The following MAGEC3 variants were observed in gnomAD, a reference collection of about 807,000 sequenced individuals.
MAGEC3 encodes melanoma-associated antigen C3.
Under a neutral mutation model 35.3 loss-of-function variants are expected in MAGEC3, and 34 were observed. The ratio of observed to expected loss-of-function variants is 0.96; its 90% confidence interval spans 0.73 to 1.28. The LOEUF is 1.28. Among genes scored for constraint, MAGEC3 ranks in the 50% most tolerant of loss-of-function variants. The pLI, the probability that MAGEC3 is intolerant of heterozygous loss-of-function variation, is 0.00. For missense variants in MAGEC3, 561 were observed against 483.6 expected, an observed-to-expected ratio of 1.16 and a Z score of -1.50; for synonymous variants, 202 against 185.6, an observed-to-expected ratio of 1.09 and a Z score of -0.72.
chrX:141,865,463 C>T lies in MAGEC3; in HGVS notation c.124-8C>T. 1 of 1,202,784 alleles carries T rather than the reference C, an allele frequency of 8.3e-7. No homozygotes were observed. The highest frequency in any genetic ancestry group is 1.1e-6 in the Non-Finnish European group (1 of 890,836). On this transcript the variant is annotated splice_region_variant and splice_polypyrimidine_tract_variant and intron_variant, in intron 1 of 7. Coordinates refer to ENST00000298296, the MANE Select transcript of MAGEC3 (RefSeq NM_138702.1). ...CCTAGTCCTGCCCCTGATATTTGAC[C>T]TGAGTAGCCCCGGAAAAAGGCCACA...
intron 3 of MAGEC3, chrX:141,880,593 C>A (rs1393608605): frequency 2.9e-6 from 1 of 348,091 alleles, no homozygotes; most frequent in Non-Finnish European, 4.4e-6. Context: ...CAGGCAATAT[C>A]AGGAGTCAAG....
In MAGEC3 at chrX:141,887,726, A is replaced by G. The variant is rs140426645; in HGVS notation, c.909+5930A>G. 4.8e-3 allele frequency among the ~76,000 whole-genome samples: 535 copies of G among 112,095 alleles called. 2 individuals carry two copies. The highest frequency in any genetic ancestry group is 0.017 in the African/African-American group (514 of 30,859). On this transcript the variant is annotated intron_variant, in intron 4 of 7. Coordinates refer to ENST00000298296, the MANE Select transcript of MAGEC3 (RefSeq NM_138702.1). Reference sequence around the variant, plus strand: ...CAAGCTGCCCTGCCACTTGGGCCATATGATCCAGCAGATCCAATGCTGCTT... The same window carrying G: ...CAAGCTGCCCTGCCACTTGGGCCATGTGATCCAGCAGATCCAATGCTGCTT...
rs756111831 is a variant in MAGEC3, at chrX:141,881,424, G to C, written c.537G>C (p.Leu179Phe). The change falls in exon 4 of 8, where the codon TTG becomes TTC. Residue 179 changes from leucine (L) to phenylalanine (F), a missense_variant. Leu to Phe is a conservative substitution (Grantham distance 22). Transcript: ENST00000298296. ...KAGSLPESEP[L>F]FTYTLDEKVD... Reference sequence around the variant, plus strand: ...ACAGCTTGCCAGAGAGCGAGCCCTTGTTCACTTATACACTGGATGAAAAGG... The same window carrying C: ...ACAGCTTGCCAGAGAGCGAGCCCTTCTTCACTTATACACTGGATGAAAAGG... 7 of 1,204,042 alleles carry C rather than the reference G, an allele frequency of 5.8e-6. No individual in the cohort carries two copies. In the Admixed American group the frequency reaches 1.1e-4, roughly 19 times the overall value.
In MAGEC3 at chrX:141,840,917, A is replaced by C. The variant is rs374928602; in HGVS notation, c.123+2479A>C. On this transcript the variant is annotated intron_variant, in intron 1 of 7. Transcript: ENST00000298296. ...TGCTTCTTTTTTTTTCTGTATTTTC[A>C]ACATCTGCCTTTCTACTGGCTAATT... Among the ~76,000 whole-genome samples the C allele has an allele frequency of 2.2e-4, 25 of 111,126 alleles. 1 individual carries two copies. The highest frequency in any genetic ancestry group is 8.1e-4 in the African/African-American group (25 of 30,769).
intron 1 of MAGEC3, among the ~76,000 whole-genome samples, chrX:141,854,886 GA>G (rs1385551200): frequency 2.7e-5 from 3 of 111,831 alleles, no homozygotes; most frequent in Middle Eastern, 4.6e-3. Flanking sequence ...AGGCAAGGGT[GA>G]GATCACACAG....
chrX:141,857,026 T>G (rs2017785122), intron 1 of MAGEC3, among the ~76,000 whole-genome samples: 1 of 111,598 alleles, frequency 9.0e-6, no homozygotes, highest in Admixed American at 9.5e-5. Context: ...ATGGACTCAC[T>G]TGCCAGAAAA....
intron 1 of MAGEC3, among the ~76,000 whole-genome samples, chrX:141,842,261 G>A (rs2017690577): frequency 9.0e-6 from 1 of 111,480 alleles, no homozygotes; most frequent in Non-Finnish European, 1.9e-5. Context: ...ATGAAAACTA[G>A]CAAGGAATGA....
chrX:141,849,080 G>A (rs2017734893), intron 1 of MAGEC3, among the ~76,000 whole-genome samples: 1 of 110,914 alleles, frequency 9.0e-6, no homozygotes, highest in Admixed American at 9.6e-5. Context: ...CAGACACACA[G>A]ACCAATGTGT....
intron 4 of MAGEC3, among the ~76,000 whole-genome samples, chrX:141,892,195 G>A (rs757293860): frequency 2.7e-5 from 3 of 111,304 alleles, no homozygotes; most frequent in Non-Finnish European, 3.8e-5. Flanking sequence ...ACATTGCTAT[G>A]GCACCCCTAA....
rs183280206 is a variant in MAGEC3 at position 141,873,979 on chromosome X, C to T, written c.259-5196C>T. On this transcript the variant is annotated intron_variant, in intron 2 of 7. Transcript: ENST00000298296. The stretch of plus-strand genomic sequence containing the variant: ...AACTTCAGGTCTTACTATAAAGTTA[C>T]GATAATTAAGACAGTGTGATATTAA... Among the ~76,000 whole-genome samples, 439 of 111,606 alleles carry T rather than the reference C, an allele frequency of 3.9e-3. 6 individuals are homozygous for T. The highest frequency in any genetic ancestry group is 0.013 in the African/African-American group (413 of 30,744).
chrX:141,884,689 G>A (rs754633649), intron 4 of MAGEC3, among the ~76,000 whole-genome samples: 5 of 111,591 alleles, frequency 4.5e-5, no homozygotes, highest in East Asian at 2.8e-4. Context: ...AGCCTTTGGC[G>A]TGAACTGTTT....
chrX:141,867,255 G>A (rs1446665232), intron 2 of MAGEC3, among the ~76,000 whole-genome samples: 1 of 112,127 alleles, frequency 8.9e-6, no homozygotes, highest in African/African-American at 3.2e-5. Flanking sequence ...TGGCTTGACA[G>A]CTAAAGACAG....
rs1297539279 is a variant in MAGEC3, at chrX:141,881,814, G to A, written c.909+18G>A. On this transcript the variant is annotated intron_variant, in intron 4 of 7. Transcript: ENST00000298296. ...CAATAGGGGTGTGTGCTCAGAGGGAGCATTTCGTCTATCGGGAGCCCAGGG... is the reference window on the plus strand; with the variant it reads ...CAATAGGGGTGTGTGCTCAGAGGGAACATTTCGTCTATCGGGAGCCCAGGG... 1 of 1,208,862 alleles carries A rather than the reference G, an allele frequency of 8.3e-7. No individual in the cohort carries two copies. The highest frequency in any genetic ancestry group is 1.8e-5 in the African/African-American group (1 of 56,936).
chrX:141,886,089 G>A (rs1311548867), intron 4 of MAGEC3, among the ~76,000 whole-genome samples: 4 of 111,075 alleles, frequency 3.6e-5, no homozygotes, highest in South Asian at 7.7e-4. Flanking sequence ...AAGGCAAGGC[G>A]GGTATAGCTA....
At position 141,895,279 on chromosome X, in the gene MAGEC3, C is replaced by T. The variant is rs756867913; in HGVS notation, c.920C>T (p.Ala307Val). The T allele has an allele frequency of 7.9e-5, 95 of 1,207,276 alleles. No homozygotes were observed. Among genetic ancestry groups the T allele is most frequent in the Non-Finnish European group, 1.1e-4 (95 of 894,053 alleles). Residue 307 changes from alanine (A) to valine (V), a missense_variant, in exon 5 of 8, where the codon GCC becomes GTC. Physicochemically the swap from Ala to Val is moderately conservative, Grantham distance 64. Transcript: ENST00000298296. ...TGCCTCTGCTGTCAGCCCTGGTCAG[C>T]CTTGGCAGGGTTCGCGGATGTGCTT... ...EVLNAIGPWS[A>V]LAGFADVLSR... is the part of the protein sequence containing the mutation.
chrX:141,861,405 G>A (rs1159920894), intron 1 of MAGEC3, among the ~76,000 whole-genome samples: 1 of 110,770 alleles, frequency 9.0e-6, no homozygotes, highest in Non-Finnish European at 1.9e-5. Flanking sequence ...AAATATCAAT[G>A]CCGTTTTTCA....
At chrX:141,874,941 C>G (rs1182968604) in intron 2 of MAGEC3, among the ~76,000 whole-genome samples, 1 of 111,326 alleles carries the variant, frequency 9.0e-6, no homozygotes, top group Non-Finnish European at 1.9e-5. Context: ...AAGAAGGGAT[C>G]TCTATGACAT....
chrX:141,881,389 A>T lies in MAGEC3; in HGVS notation c.516-14A>T, dbSNP rs1307273799. ...TAGCAGCCAATAAGATGAAGATACA[A>T]GTACCTGGCACAGCTTGCCAGAGAG... On this transcript the variant is annotated splice_polypyrimidine_tract_variant and intron_variant, in intron 3 of 7. Transcript: ENST00000298296. The T allele has an allele frequency of 8.5e-7, 1 of 1,181,415 alleles. No homozygotes were observed. The highest frequency in any genetic ancestry group is 3.0e-5 in the East Asian group (1 of 33,618).
chrX:141,877,363 T>A (rs1206640254), intron 2 of MAGEC3, among the ~76,000 whole-genome samples: 1 of 111,971 alleles, frequency 8.9e-6, no homozygotes, highest in Non-Finnish European at 1.9e-5. Context: ...GATATTTTGG[T>A]ACTATAGGTT....
Sources: gnomAD v4.1 joint callset for allele counts (sites outside exome capture counted in the v4.1 genomes callset) on GRCh38, gnomAD v4.1.1 for gene constraint, MANE v1.5 for transcripts, NCBI Gene and HGNC (gene_info 2026-07-23, HGNC 2026-07-21) for gene names.